KHDRBS2: variants seen among roughly 807,000 people sequenced by gnomAD.
KHDRBS2 encodes KH domain-containing, RNA-binding, signal transduction-associated protein 2.
Under a neutral mutation model 44.3 loss-of-function variants are expected in KHDRBS2, and 26 were observed. The observed-to-expected ratio is 0.59, with a 90% CI of 0.43 to 0.81. The LOEUF is 0.81. Ranked by LOEUF, KHDRBS2 falls within the 40% of genes least tolerant of loss-of-function variation. KHDRBS2 has a pLI of 0.00. For synonymous variants in KHDRBS2, 194 were observed against 151.1 expected (o/e 1.28, Z -2.08); for missense variants, 476 against 433.1 (o/e 1.10, Z -0.88).
chr6:62,094,009 A>T (rs1800039932), intron 2 of KHDRBS2, among the ~76,000 whole-genome samples: 1 of 151,786 alleles, frequency 6.6e-6, no homozygotes, highest in South Asian at 2.1e-4. Flanking sequence ...TATCTTTTTG[A>T]CATACGGATT....
chr6:61,708,118 T>C (rs1310408380), intron 7 of KHDRBS2, among the ~76,000 whole-genome samples: 1 of 151,790 alleles, frequency 6.6e-6, no homozygotes, highest in East Asian at 1.9e-4. Context: ...AACATACAAG[T>C]TAATCTCTCT....
chr6:61,761,179 A>G (rs1779216881), intron 6 of KHDRBS2, among the ~76,000 whole-genome samples: 1 of 152,150 alleles, frequency 6.6e-6, no homozygotes, highest in Non-Finnish European at 1.5e-5. Context: ...GTCAGTGAAG[A>G]GATGTAATGC....
intron 2 of KHDRBS2, among the ~76,000 whole-genome samples, chr6:62,141,603 T>C (rs1341718650): frequency 1.3e-5 from 2 of 152,118 alleles, no homozygotes; most frequent in East Asian, 3.9e-4. Context: ...GATGCTGCAT[T>C]TTTAGTTCTT....
chr6:62,285,999 G>T lies in KHDRBS2; in HGVS notation c.-51C>A. On this transcript the variant is annotated 5_prime_UTR_variant, in exon 1 of 9. Coordinates refer to ENST00000281156, the MANE Select transcript of KHDRBS2 (RefSeq NM_152688.4). ...GCGAAGCGCGAGGTTCCGCTCGCTCGGACGCAGGCAGGGTCTTGGGGCAGC... is the reference window on the plus strand; with the variant it reads ...GCGAAGCGCGAGGTTCCGCTCGCTCTGACGCAGGCAGGGTCTTGGGGCAGC... 8.5e-7 allele frequency: 1 copy of T among 1,179,920 alleles called. No individual in the cohort carries two copies. The highest frequency in any genetic ancestry group is 1.3e-6 in the Non-Finnish European group (1 of 799,548). 73.1% of individuals were successfully genotyped at this position (1,179,920 alleles called of 1,614,324 possible).
At chr6:61,618,164 CAATT>C in the KHDRBS2 span, among the ~76,000 whole-genome samples, 1 of 152,098 alleles carries the variant, frequency 6.6e-6, no homozygotes, top group African/African-American at 2.4e-5. Flanking sequence ...ATGCCTGAAT[CAATT>C]AATCAACAAA....
At chr6:61,817,632 T>C (rs1339661345) in intron 6 of KHDRBS2, among the ~76,000 whole-genome samples, 1 of 152,150 alleles carries the variant, frequency 6.6e-6, no homozygotes, top group Non-Finnish European at 1.5e-5. Flanking sequence ...TCTGTTTTTA[T>C]GAACCATTAT....
intron 4 of KHDRBS2, among the ~76,000 whole-genome samples, chr6:61,935,817 GCAC>G (rs1213380110): frequency 1.3e-5 from 2 of 152,036 alleles, no homozygotes; most frequent in African/African-American, 4.8e-5. Context: ...GCATGGTTCT[GCAC>G]CACATCTTTA....
At chr6:61,801,404 G>A (rs1272741355) in intron 6 of KHDRBS2, among the ~76,000 whole-genome samples, 2 of 152,250 alleles carry the variant, frequency 1.3e-5, no homozygotes, top group South Asian at 2.1e-4. Flanking sequence ...GCTTTCTAGA[G>A]AAGGTGCTTG....
chr6:61,816,883 AC>A, intron 6 of KHDRBS2: 1 of 451,460 alleles, frequency 2.2e-6, no homozygotes, highest in Non-Finnish European at 4.5e-6. Flanking sequence ...TAAACCATAC[AC>A]TTTTACAATT....
At chr6:61,880,964 T>A (rs1381261476) in intron 6 of KHDRBS2, among the ~76,000 whole-genome samples, 1 of 151,862 alleles carries the variant, frequency 6.6e-6, no homozygotes, top group African/African-American at 2.4e-5. Context: ...TGTCATTAAC[T>A]AAAAAATAAA....
chr6:61,879,169 T>C (rs545900746), intron 6 of KHDRBS2, among the ~76,000 whole-genome samples: 1 of 152,122 alleles, frequency 6.6e-6, no homozygotes, highest in South Asian at 2.1e-4. Flanking sequence ...TTCTTCAGGC[T>C]TCCTGAGTAG....
intron 2 of KHDRBS2, among the ~76,000 whole-genome samples, chr6:62,113,254 A>T (rs1805444801): frequency 6.6e-6 from 1 of 152,122 alleles, no homozygotes; most frequent in South Asian, 2.1e-4. Context: ...TGATTCATTG[A>T]ATATACTGAC....
chr6:61,989,860 T>G (rs1026153603), intron 3 of KHDRBS2, among the ~76,000 whole-genome samples: 2 of 152,178 alleles, frequency 1.3e-5, no homozygotes, highest in Admixed American at 6.5e-5. Flanking sequence ...TCTGGATAGC[T>G]CCACCTTAGC....
At chr6:62,050,130 C>G (rs1228949749) in intron 2 of KHDRBS2, among the ~76,000 whole-genome samples, 1 of 152,014 alleles carries the variant, frequency 6.6e-6, no homozygotes, top group Non-Finnish European at 1.5e-5. Context: ...AGGATGAGTT[C>G]ATGCCCTTTT....
intron 1 of KHDRBS2, among the ~76,000 whole-genome samples, chr6:62,225,576 G>A (rs558353838): frequency 6.6e-6 from 1 of 152,004 alleles, no homozygotes; most frequent in African/African-American, 2.4e-5. Context: ...AACATGTAGG[G>A]TTGTTACATA....
At chr6:61,767,602 A>C (rs1188615932) in intron 6 of KHDRBS2, among the ~76,000 whole-genome samples, 4 of 151,670 alleles carry the variant, frequency 2.6e-5, no homozygotes, top group African/African-American at 9.7e-5. Flanking sequence ...CTGGTAGTAT[A>C]TTTTAATTTC....
the KHDRBS2 span, among the ~76,000 whole-genome samples, chr6:61,613,014 GGC>G: frequency 6.6e-6 from 1 of 151,708 alleles, no homozygotes; most frequent in Non-Finnish European, 1.5e-5. Flanking sequence ...CACAACTCCC[GGC>G]TAATTTTTTG....
the KHDRBS2 span, among the ~76,000 whole-genome samples, chr6:61,608,073 G>A: frequency 6.6e-6 from 1 of 152,146 alleles, no homozygotes; most frequent in Non-Finnish European, 1.5e-5. Flanking sequence ...CCAACAAGGT[G>A]TTTCAATGCA....
chr6:61,894,698 C>A lies in KHDRBS2; in HGVS notation c.747G>T (p.Gly249=), dbSNP rs1281653497. 1.3e-5 allele frequency: 21 copies of A among 1,613,366 alleles called. No individual in the cohort carries two copies. The highest frequency in any genetic ancestry group is 1.8e-5 in the Non-Finnish European group (21 of 1,179,776). Residue 249 remains glycine (G), a synonymous_variant, in exon 6 of 9, where the codon GGG becomes GGT. Transcript: ENST00000281156. ...ARGVPTPRAR[G]APTVPGYRAP... Reference sequence around the variant, plus strand: ...CCCTGTATCCTGGCACTGTTGGTGCCCCCCGGGCTCGAGGGGTAGGGACAC... The same window carrying A: ...CCCTGTATCCTGGCACTGTTGGTGCACCCCGGGCTCGAGGGGTAGGGACAC...
Sources: allele counts gnomAD v4.1 joint callset (sites outside exome capture counted in the v4.1 genomes callset), GRCh38; gene constraint gnomAD v4.1.1; transcripts MANE v1.5; gene names NCBI Gene and HGNC (gene_info 2026-07-23, HGNC 2026-07-21).